DOCK2: variants seen among roughly 807,000 people sequenced by gnomAD.
DOCK2 encodes the protein dedicator of cytokinesis protein 2.
Under a neutral mutation model 248.9 loss-of-function variants are expected in DOCK2, and 87 were observed. The ratio of observed to expected loss-of-function variants is 0.35; its 90% CI spans 0.29 to 0.42. DOCK2 has a LOEUF of 0.42. Among genes scored for constraint, DOCK2 ranks in the 10% least tolerant of loss-of-function variants. The pLI, the probability that DOCK2 is intolerant of heterozygous loss-of-function variation, is 1.00. For missense variants in DOCK2, 1,747 were observed against 2,300.2 expected (o/e 0.76, Z 4.92); for synonymous variants, 805 against 821.6 (o/e 0.98, Z 0.35).
intron 26 of DOCK2, among the ~76,000 whole-genome samples, chr5:169,826,038 G>A (rs922546802): frequency 2.0e-5 from 3 of 151,984 alleles, no homozygotes; most frequent in Admixed American, 6.5e-5. Flanking sequence ...GTGATAAGAT[G>A]TAAAGTAGTT....
chr5:170,011,488 C>CA (rs11382563), intron 32 of DOCK2, among the ~76,000 whole-genome samples: 86,437 of 151,680 alleles, frequency 0.57, 24,920 homozygotes, highest in African/African-American at 0.67. Context: ...GGGTTGGTTG[C>CA]AAAAAAAAGG....
At chr5:169,738,594 T>A (rs1763159834) in intron 22 of DOCK2, among the ~76,000 whole-genome samples, 1 of 152,188 alleles carries the variant, frequency 6.6e-6, no homozygotes, top group Admixed American at 6.5e-5. Flanking sequence ...CAATACATGT[T>A]CTGAAATAGA....
chr5:170,022,633 C>T (rs931277333), intron 33 of DOCK2, among the ~76,000 whole-genome samples: 2 of 152,076 alleles, frequency 1.3e-5, no homozygotes, highest in South Asian at 2.1e-4. Context: ...CCATTGTGGC[C>T]GGCTTGGCCA....
At chr5:169,792,055 A>G (rs1432474935) in intron 25 of DOCK2, among the ~76,000 whole-genome samples, 1 of 152,192 alleles carries the variant, frequency 6.6e-6, no homozygotes, top group Admixed American at 6.5e-5. Flanking sequence ...ATGGAATTCT[A>G]TGAGTCTCTA....
intron 6 of DOCK2, among the ~76,000 whole-genome samples, chr5:169,681,111 AC>A (rs1759635309): frequency 8.1e-6 from 1 of 122,720 alleles, no homozygotes; most frequent in Non-Finnish European, 1.7e-5. Flanking sequence ...CTTTTAGTAG[AC>A]CTTTTTTTTT....
intron 25 of DOCK2, among the ~76,000 whole-genome samples, chr5:169,780,893 G>A (rs769028154): frequency 2.6e-5 from 4 of 151,940 alleles, no homozygotes; most frequent in African/African-American, 4.8e-5. Context: ...ATAAAATATC[G>A]CCATACTTCT....
At chr5:169,803,285 T>C in intron 26 of DOCK2, 79 bp downstream of exon 26, 7 of 1,529,264 alleles carry the variant, frequency 4.6e-6, no homozygotes, top group South Asian at 1.3e-5. Flanking sequence ...TTGATACTGA[T>C]GGATAGCAGC....
At chr5:170,015,389 G>C (rs1003165350) in intron 32 of DOCK2, among the ~76,000 whole-genome samples, 3 of 152,114 alleles carry the variant, frequency 2.0e-5, no homozygotes, top group Admixed American at 6.5e-5. Flanking sequence ...TGTCAGACTC[G>C]AAGACTCTAC....
chr5:169,959,421 A>G (rs1322134668), intron 27 of DOCK2, among the ~76,000 whole-genome samples: 2 of 152,134 alleles, frequency 1.3e-5, no homozygotes, highest in African/African-American at 2.4e-5. Flanking sequence ...AGGGGAGTCC[A>G]GAAGATCATT....
intron 24 of DOCK2, 79 bp downstream of exon 24, chr5:169,759,854 G>A (rs1764383477): frequency 4.0e-6 from 6 of 1,505,098 alleles, no homozygotes; most frequent in Non-Finnish European, 5.5e-6. Flanking sequence ...CTTATGGGGA[G>A]CTCCAGATGG....
intron 2 of DOCK2, among the ~76,000 whole-genome samples, chr5:169,656,451 G>A (rs137932247): frequency 3.4e-4 from 51 of 151,864 alleles, no homozygotes; most frequent in African/African-American, 1.1e-3. Context: ...AGCCTCATTC[G>A]TAGCTGGGAT....
In DOCK2 at chr5:169,953,595, G is replaced by T. The variant is rs371951936; in HGVS notation, c.2800-29473G>T. ...TGCATTATTAATAGCATTAGACGAG[G>T]CTGAGAGTCAGCTACAGAGGAGACC... On this transcript the variant is annotated intron_variant, in intron 27 of 51. Coordinates refer to ENST00000520908, the MANE Select transcript of DOCK2 (RefSeq NM_004946.3). 5.3e-5 allele frequency among the ~76,000 whole-genome samples: 8 copies of T among 152,140 alleles called. No homozygotes were observed. The East Asian group carries it at 9.6e-4, about 18-fold the overall frequency.
In DOCK2 at chr5:170,061,040, A is replaced by T. The variant is rs924245248; in HGVS notation, c.4467+3374A>T. Among the ~76,000 whole-genome samples, 18 of 152,172 alleles carry T rather than the reference A, an allele frequency of 1.2e-4. No individual in the cohort carries two copies. The South Asian group carries it at 2.1e-3, about 18-fold the overall frequency. ...GCAAGACTCCATCTAAAAAAAAATT[A>T]AAAAAAGAAAAATATGAAATGCCAC... On this transcript the variant is annotated intron_variant, in intron 44 of 51. Transcript: ENST00000520908.
chr5:169,739,416 T>C (rs933398776), intron 22 of DOCK2, among the ~76,000 whole-genome samples: 10 of 152,142 alleles, frequency 6.6e-5, no homozygotes, highest in Admixed American at 3.9e-4. Context: ...TTTGGAGAAA[T>C]GGACTGTTGT....
chr5:169,740,434 A>G (rs1051889627), intron 22 of DOCK2, among the ~76,000 whole-genome samples: 1 of 152,166 alleles, frequency 6.6e-6, no homozygotes, highest in Non-Finnish European at 1.5e-5. Flanking sequence ...CTCATCCACA[A>G]ATCATTCTTT....
chr5:170,034,872 G>T (rs898454463), intron 35 of DOCK2, among the ~76,000 whole-genome samples: 1 of 152,132 alleles, frequency 6.6e-6, no homozygotes, highest in Non-Finnish European at 1.5e-5. Context: ...CACAGCCTCT[G>T]GGTTTCCATC....
At chr5:169,649,978 A>G (rs1757709410) in intron 1 of DOCK2, among the ~76,000 whole-genome samples, 1 of 151,862 alleles carries the variant, frequency 6.6e-6, no homozygotes, top group Admixed American at 6.6e-5. Flanking sequence ...TAATTTTTGT[A>G]TTTTTAGTAC....
At chr5:169,744,215 G>A (rs1019730036) in intron 22 of DOCK2, among the ~76,000 whole-genome samples, 1 of 151,854 alleles carries the variant, frequency 6.6e-6, no homozygotes, top group African/African-American at 2.4e-5. Flanking sequence ...CATTGGCACA[G>A]TCTGTGACCT....
intron 45 of DOCK2, among the ~76,000 whole-genome samples, chr5:170,068,021 C>T (rs963772103): frequency 2.6e-5 from 4 of 152,086 alleles, no homozygotes; most frequent in African/African-American, 9.7e-5. Flanking sequence ...CATAAAAGTA[C>T]GTGCCAGTTG....
Sources: allele counts gnomAD v4.1 joint callset (sites outside exome capture counted in the v4.1 genomes callset), GRCh38; gene constraint gnomAD v4.1.1; transcripts MANE v1.5; gene names NCBI Gene and HGNC (gene_info 2026-07-23, HGNC 2026-07-21).